Variants in ZNF679 observed in about 807,000 individuals in gnomAD.
The protein encoded by ZNF679 is zinc finger protein 679.
ZNF679 carries 10 observed loss-of-function variants against 13.4 expected under a neutral mutation model. The observed-to-expected ratio is 0.75, with a 90% CI of 0.46 to 1.27. The LOEUF (loss-of-function observed/expected upper bound fraction) is 1.27, where lower values mean the gene tolerates loss of function less well. ZNF679 is among the 50% of genes most tolerant of loss of function. The pLI, the probability that ZNF679 is intolerant of heterozygous loss-of-function variation, is 0.00. For missense variants in ZNF679, 525 were observed against 477.8 expected (o/e 1.10, Z -0.92); for synonymous variants, 179 against 162.5 (o/e 1.10, Z -0.77).
In ZNF679 at chr7:64,260,842, G is replaced by C. The variant is rs748301934; in HGVS notation, c.175G>C (p.Val59Leu). 12 of 1,603,214 alleles carry C rather than the reference G, an allele frequency of 7.5e-6. No individual in the cohort carries two copies. Among genetic ancestry groups the C allele is most frequent in the Non-Finnish European group, 1.0e-5 (12 of 1,177,442 alleles). ...YRNLVSLGIA[V>L]SKPDLITCLE... is the part of the protein sequence containing the mutation. ...TTTTCTTAATAAAACAGGTATTGCT[G>C]TCTCTAAGCCAGACTTGATCACCTG... The change falls in exon 4 of 5, where the codon GTC becomes CTC. Residue 59 changes from valine to leucine, a missense_variant. By Grantham distance (32) the Val-to-Leu change is conservative (BLOSUM62 1). Transcript: ENST00000421025.
chr7:64,234,122 G>A (rs1463363808), intron 1 of ZNF679, among the ~76,000 whole-genome samples: 5 of 152,180 alleles, frequency 3.3e-5, no homozygotes, highest in Non-Finnish European at 5.9e-5. Context: ...GGGCTGCCGT[G>A]AGACCTAACA....
At chr7:64,253,105 A>G (rs1787963487) in intron 2 of ZNF679, among the ~76,000 whole-genome samples, 1 of 152,200 alleles carries the variant, frequency 6.6e-6, no homozygotes, top group Admixed American at 6.5e-5. Flanking sequence ...CTAATTACAG[A>G]ATGTCCTGTT....
intron 2 of ZNF679, among the ~76,000 whole-genome samples, chr7:64,257,785 A>G (rs1788022351): frequency 6.6e-6 from 1 of 152,176 alleles, no homozygotes; most frequent in Non-Finnish European, 1.5e-5. Flanking sequence ...TGACAAATGT[A>G]GTGGGTGTAA....
intron 1 of ZNF679, among the ~76,000 whole-genome samples, chr7:64,238,427 C>A (rs945609884): frequency 6.6e-6 from 1 of 152,110 alleles, no homozygotes; most frequent in Non-Finnish European, 1.5e-5. Context: ...GTCTCACTCA[C>A]TCCAGGCTGG....
At position 64,266,408 on chromosome 7, in the gene ZNF679, A is replaced by G; in HGVS notation, c.775A>G (p.Arg259Gly). The change falls in exon 5 of 5, where the codon AGG becomes GGG. Residue 259 changes from arginine to glycine, a missense_variant. Physicochemically the swap from Arg to Gly is moderately radical, Grantham distance 125. Coordinates refer to ENST00000421025, the MANE Select transcript of ZNF679 (RefSeq NM_153363.3). ...CTGGTCCTCAACCCTTACTAAACATAGGAGAATTCATACTGGAGAAAAACC... is the reference window on the plus strand; with the variant it reads ...CTGGTCCTCAACCCTTACTAAACATGGGAGAATTCATACTGGAGAAAAACC... ...FTWSSTLTKH[R>G]RIHTGEKPYT... 6.2e-7 allele frequency: 1 copy of G among 1,613,162 alleles called. No homozygotes were observed. Among genetic ancestry groups the G allele is most frequent in the Non-Finnish European group, 8.5e-7 (1 of 1,179,512 alleles).
At chr7:64,230,949 AC>A (rs1267491134) in intron 1 of ZNF679, among the ~76,000 whole-genome samples, 1 of 152,190 alleles carries the variant, frequency 6.6e-6, no homozygotes, top group Non-Finnish European at 1.5e-5. Flanking sequence ...CACAGTTCCA[AC>A]TTTTGACTGT....
intron 1 of ZNF679, among the ~76,000 whole-genome samples, chr7:64,239,054 G>A (rs757243254): frequency 2.3e-4 from 35 of 152,198 alleles, no homozygotes; most frequent in Non-Finnish European, 4.4e-4. Flanking sequence ...TCTCATAACA[G>A]GGCCCAGAAC....
chr7:64,254,282 AT>A (rs1301967342), intron 2 of ZNF679, among the ~76,000 whole-genome samples: 2 of 151,724 alleles, frequency 1.3e-5, no homozygotes, highest in Admixed American at 1.3e-4. Flanking sequence ...ACCATGTCTA[AT>A]TTTTTGTATT....
chr7:64,245,215 A>G (rs1187787624), intron 1 of ZNF679, among the ~76,000 whole-genome samples: 1 of 152,052 alleles, frequency 6.6e-6, no homozygotes, highest in Non-Finnish European at 1.5e-5. Flanking sequence ...TAGTAGAGAC[A>G]AGGTTTTGCC....
chr7:64,241,513 A>C (rs757289079), intron 1 of ZNF679, among the ~76,000 whole-genome samples: 1 of 152,264 alleles, frequency 6.6e-6, no homozygotes, highest in African/African-American at 2.4e-5. Flanking sequence ...AAGGCAGTAC[A>C]GTTACATCAC....
At position 64,260,876 on chromosome 7, in the gene ZNF679, A is replaced by G. The variant is rs756487183; in HGVS notation, c.209A>G (p.Gln70Arg). 2.4e-5 allele frequency: 39 copies of G among 1,611,926 alleles called. No homozygotes were observed. The Admixed American group carries it at 6.2e-4, about 26-fold the overall frequency. Residue 70 changes from glutamine (Q) to arginine (R), a missense_variant, in exon 4 of 5, where the codon CAA becomes CGA. By Grantham distance (43) the Gln-to-Arg change is conservative. Coordinates refer to ENST00000421025, the MANE Select transcript of ZNF679 (RefSeq NM_153363.3). ...CCAGACTTGATCACCTGTCTGGAGC[A>G]AAATAAAGAGCCTTGGAATATAAAG... ...SKPDLITCLE[Q>R]NKEPWNIKRN...
At chr7:64,241,518 C>T (rs1229601241) in intron 1 of ZNF679, among the ~76,000 whole-genome samples, 1 of 152,252 alleles carries the variant, frequency 6.6e-6, no homozygotes, top group African/African-American at 2.4e-5. Context: ...AGTACAGTTA[C>T]ATCACCTAGA....
intron 1 of ZNF679, among the ~76,000 whole-genome samples, chr7:64,244,789 T>C (rs536823840): frequency 5.5e-4 from 84 of 152,334 alleles, no homozygotes; most frequent in Non-Finnish European, 1.1e-3. Context: ...GCAGTCTCCA[T>C]TGGGGTCTCC....
intron 1 of ZNF679, among the ~76,000 whole-genome samples, chr7:64,244,175 G>A (rs931155278): frequency 3.3e-5 from 5 of 152,018 alleles, no homozygotes; most frequent in African/African-American, 9.7e-5. Context: ...GCTTGATCCC[G>A]GTAGGTGGAG....
At chr7:64,229,404 G>A (rs932959435) in intron 1 of ZNF679, among the ~76,000 whole-genome samples, 2 of 151,908 alleles carry the variant, frequency 1.3e-5, no homozygotes, top group African/African-American at 2.4e-5. Flanking sequence ...CACTGTGCCT[G>A]TGAGTTAGTC....
chr7:64,230,539 CAA>C (rs948433156), intron 1 of ZNF679, among the ~76,000 whole-genome samples: 32 of 61,188 alleles, frequency 5.2e-4, no homozygotes, highest in Admixed American at 7.8e-4. Flanking sequence ...GACTCCGTCT[CAA>C]AAAAAAAAAA....
At chr7:64,248,236 T>A (rs1787893828) in intron 1 of ZNF679, among the ~76,000 whole-genome samples, 2 of 151,774 alleles carry the variant, frequency 1.3e-5, no homozygotes. Flanking sequence ...TCCCCCCTAA[T>A]AATCCAATCA....
At chr7:64,238,088 C>G (rs1787751099) in intron 1 of ZNF679, among the ~76,000 whole-genome samples, 1 of 152,114 alleles carries the variant, frequency 6.6e-6, no homozygotes, top group East Asian at 1.9e-4. Context: ...GTTTTATCTT[C>G]AGGGTTCACA....
intron 1 of ZNF679, among the ~76,000 whole-genome samples, chr7:64,228,978 C>T (rs1787599535): frequency 6.6e-6 from 1 of 151,990 alleles, no homozygotes; most frequent in South Asian, 2.1e-4. Context: ...TCTGTTATGA[C>T]ACTCTTTGTA....
Sources: gnomAD v4.1 joint callset for allele counts (sites outside exome capture counted in the v4.1 genomes callset) on GRCh38, gnomAD v4.1.1 for gene constraint, MANE v1.5 for transcripts, NCBI Gene and HGNC (gene_info 2026-07-23, HGNC 2026-07-21) for gene names.